ADGRF5: variants seen among roughly 807,000 people sequenced by gnomAD.
The protein encoded by ADGRF5 is G-protein coupled receptor 116.
ADGRF5 carries 75 observed loss-of-function variants against 132.3 expected under a neutral mutation model. That is an observed-to-expected ratio of 0.57 (90% CI 0.47 to 0.69). The LOEUF (loss-of-function observed/expected upper bound fraction) is 0.69, where lower values mean the gene tolerates loss of function less well. Among genes scored for constraint, ADGRF5 ranks in the 30% least tolerant of loss-of-function variants. The probability of loss-of-function intolerance (pLI) is 0.00; values close to 1 mark genes in which losing one functional copy is unlikely to be tolerated. For missense variants in ADGRF5, 1,516 were observed against 1,630.6 expected (o/e 0.93, Z 1.21); for synonymous variants, 629 against 597.6 (o/e 1.05, Z -0.77).
chr6:46,922,897 C>T (rs534509252), upstream of ADGRF5, among the ~76,000 whole-genome samples: 17 of 152,262 alleles, frequency 1.1e-4, no homozygotes, highest in Non-Finnish European at 2.4e-4. Flanking sequence ...TATATGTGGC[C>T]GGGTACACAT....
In ADGRF5 at chr6:46,853,960, C is replaced by T. The variant is rs369973653; in HGVS notation, c.*32G>A. On this transcript the variant is annotated 3_prime_UTR_variant, in exon 21 of 21. Coordinates refer to ENST00000283296, the MANE Select transcript of ADGRF5 (RefSeq NM_001098518.2). Reference sequence around the variant, plus strand: ...TTTTTAAAAGCACAGCCACTGTCCCCGGGAGGTCACGTAGGTTGGATTATC... The same window carrying T: ...TTTTTAAAAGCACAGCCACTGTCCCTGGGAGGTCACGTAGGTTGGATTATC... The T allele has an allele frequency of 2.1e-5, 31 of 1,451,152 alleles. No individual in the cohort carries two copies. The highest frequency in any genetic ancestry group is 9.6e-5 in the East Asian group (4 of 41,536). The allele number at this position is 1,451,152 out of a possible 1,614,324, so 89.9% of individuals were successfully genotyped here.
chr6:46,866,948 G>A lies in ADGRF5; in HGVS notation c.1811C>T (p.Thr604Met), dbSNP rs586024. The A allele has an allele frequency of 0.92, 1,479,253 of 1,609,932 alleles. 684,663 individuals carry two copies. Among genetic ancestry groups the A allele is most frequent in the East Asian group, 0.99 (44,478 of 44,854 alleles). ...EDGDYKVTFH[T>M]GSSSLPAAKE... The stretch of plus-strand genomic sequence containing the variant: ...ACCAGCAGGAAGGGATGAGGAACCC[G>A]TATGGAAAGTAACTTTGTAGTCTCC... Residue 604 changes from threonine (T) to methionine (M), a missense_variant, in exon 13 of 21, where the codon ACG (threonine) becomes ATG (methionine). By Grantham distance (81) the Thr-to-Met change is moderately conservative. Around this residue, in one of 2 missense-constraint regions of ADGRF5, gnomAD observed 945 missense variants for 929.4 expected, o/e 1.02. Coordinates refer to ENST00000283296, the MANE Select transcript of ADGRF5 (RefSeq NM_001098518.2).
intron 20 of ADGRF5, 52 bp downstream of exon 20, chr6:46,855,922 T>A (rs1768984313): frequency 9.5e-7 from 1 of 1,055,694 alleles, no homozygotes. Flanking sequence ...GGCTCCCCAT[T>A]TGAGCAAATG....
At chr6:46,923,161 A>G (rs1777073894), upstream of ADGRF5, among the ~76,000 whole-genome samples, 1 of 152,210 alleles carries the variant, frequency 6.6e-6, no homozygotes, top group African/African-American at 2.4e-5. Flanking sequence ...TCCTGACCTC[A>G]GGTAATCCCC....
chr6:46,863,172 T>C lies in ADGRF5; in HGVS notation c.1991-76A>G, dbSNP rs773068155. 9 of 1,119,364 alleles carry C rather than the reference T, an allele frequency of 8.0e-6. No individual in the cohort carries two copies. The African/African-American group carries it at 1.1e-4, about 13-fold the overall frequency. 69.3% of individuals were successfully genotyped at this position (1,119,364 alleles called of 1,614,324 possible). ...TAGTAGAAATACGGTCAGGCCAAGG[T>C]AGAATTTTGATGTTTGAATTCACAT... is the stretch of plus-strand genomic sequence containing the variant. On this transcript the variant is annotated intron_variant, in intron 14 of 20. Transcript: ENST00000283296.
chr6:46,947,992 G>A (rs1778363443), intron 1 of ADGRF5, among the ~76,000 whole-genome samples: 1 of 152,194 alleles, frequency 6.6e-6, no homozygotes, highest in Non-Finnish European at 1.5e-5. Context: ...CGGACAGGAT[G>A]TGTGTGGACT....
intron 1 of ADGRF5, among the ~76,000 whole-genome samples, chr6:46,935,282 C>T (rs990039116): frequency 2.3e-4 from 35 of 152,080 alleles, no homozygotes; most frequent in Non-Finnish European, 4.6e-4. Flanking sequence ...AGATTACAGA[C>T]GTGAGCCACT....
rs779901393 is a variant in ADGRF5 at position 46,853,102 on chromosome 6, A to G, written c.*890T>C. On this transcript the variant is annotated 3_prime_UTR_variant, in exon 21 of 21. Transcript: ENST00000283296. ...CAAAATGTGGAACAAACTAAAATATAAGGCTTTTCTGATAAACTATAAAAA... is the reference window on the plus strand; with the variant it reads ...CAAAATGTGGAACAAACTAAAATATGAGGCTTTTCTGATAAACTATAAAAA... 6.6e-6 allele frequency: 1 copy of G among 152,642 alleles called. No homozygotes were observed. The highest frequency in any genetic ancestry group is 1.9e-4 in the East Asian group (1 of 5,200). The allele number at this position is 152,642 out of a possible 1,614,324, so 9.5% of individuals were successfully genotyped here.
chr6:46,859,020 A>G lies in ADGRF5; in HGVS notation c.2883T>C (p.Leu961=), dbSNP rs1475578620. 9.3e-6 allele frequency: 15 copies of G among 1,614,076 alleles called. No individual in the cohort carries two copies. Among genetic ancestry groups the G allele is most frequent in the Non-Finnish European group, 1.2e-5 (14 of 1,180,028 alleles). ...ETKCVFWNFR[L]ANNTGGWDSS... The stretch of plus-strand genomic sequence containing the variant: ...TGTCCCACCCCCCTGTGTTGTTGGC[A>G]AGCCTGAAGTTCCAGAAGACACACT... The change falls in exon 17 of 21, where the codon CTT becomes CTC. Residue 961 remains leucine, a synonymous_variant. Coordinates refer to ENST00000283296, the MANE Select transcript of ADGRF5 (RefSeq NM_001098518.2).
rs1325550309 is a variant in ADGRF5 at position 46,864,302 on chromosome 6, G to A, written c.1990+740C>T. On this transcript the variant is annotated intron_variant, in intron 14 of 20. Transcript: ENST00000283296. ...TATGTGATGGCAAATTGACTCAGTG[G>A]TGGCAAAGGATGGGAAAGGCAGCTG... 2.0e-5 allele frequency among the ~76,000 whole-genome samples: 3 copies of A among 152,152 alleles called. No individual in the cohort carries two copies. In the East Asian group the frequency reaches 5.8e-4, roughly 29 times the overall value.
Position 46,858,280 on chromosome 6 carries a change from T to C in ADGRF5, c.3623A>G (p.Lys1208Arg), listed in dbSNP as rs778493012. Reference sequence around the variant, plus strand: ...CTGAAACAGGCTGCTCTTCTCCTGCTTGCATGGCTTGTCTCCAATGGAAGG... The same window carrying C: ...CTGAAACAGGCTGCTCTTCTCCTGCCTGCATGGCTTGTCTCCAATGGAAGG... ...LRPSIGDKPC[K>R]QEKSSLFQIS... Residue 1208 changes from lysine to arginine, a missense_variant, in exon 17 of 21, where the codon AAG (lysine) becomes AGG (arginine). Physicochemically the swap from Lys to Arg is conservative, Grantham distance 26. Coordinates refer to ENST00000283296, the MANE Select transcript of ADGRF5 (RefSeq NM_001098518.2). 1.9e-6 allele frequency: 3 copies of C among 1,614,070 alleles called. No homozygotes were observed. The East Asian group carries it at 6.7e-5, about 36-fold the overall frequency.
At chr6:46,877,281 TTCTTTCTTTCTCTC>T (rs1418909819) in intron 10 of ADGRF5, among the ~76,000 whole-genome samples, 6 of 55,558 alleles carry the variant, frequency 1.1e-4, no homozygotes, top group East Asian at 4.1e-4. Context: ...CTTTCTTTCT[TTCTTTCTTTCTCTC>T]TCTCTCTCTC....
intron 10 of ADGRF5, among the ~76,000 whole-genome samples, chr6:46,877,332 T>C (rs1252455175): frequency 8.5e-5 from 1 of 11,796 alleles, no homozygotes. Flanking sequence ...CTTCTTTCTT[T>C]CTTTCTTTCT....
chr6:46,945,901 C>T (rs149673199), intron 1 of ADGRF5, among the ~76,000 whole-genome samples: 33 of 152,266 alleles, frequency 2.2e-4, no homozygotes, highest in African/African-American at 7.5e-4. Flanking sequence ...GGGGAACTCC[C>T]ATTTATTAAA....
At chr6:46,893,924 C>T (rs1773917534) in intron 3 of ADGRF5, among the ~76,000 whole-genome samples, 1 of 152,196 alleles carries the variant, frequency 6.6e-6, no homozygotes, top group South Asian at 2.1e-4. Context: ...TGGCCACAAA[C>T]TGCAACCAAG....
Position 46,860,788 on chromosome 6 carries a change from C to A in ADGRF5, c.2306G>T (p.Ser769Ile). ...AAGGATGTTAATAATGGCTCCCAGA[C>A]TCCCAGGAGAAGAGCTGATTTCATG... Reference protein sequence around the residue: ...AEHEISSSPGSLGAIINILDL... With the variant: ...AEHEISSSPGILGAIINILDL... Residue 769 changes from serine (S) to isoleucine (I), a missense_variant, in exon 16 of 21, where the codon AGT becomes ATT. This residue lies in a region of ADGRF5 where 945 missense variants were observed against 929.4 expected (regional missense o/e 1.02). Transcript: ENST00000283296. The A allele has an allele frequency of 6.2e-7, 1 of 1,613,440 alleles. No individual in the cohort carries two copies. Among genetic ancestry groups the A allele is most frequent in the African/African-American group, 1.3e-5 (1 of 75,040 alleles).
intron 1 of ADGRF5, among the ~76,000 whole-genome samples, chr6:46,909,686 C>T (rs1475840650): frequency 2.6e-5 from 4 of 152,070 alleles, no homozygotes; most frequent in African/African-American, 4.8e-5. Context: ...TAGAAACAAC[C>T]GGTGCTGGCT....
In ADGRF5 at chr6:46,859,209, G is replaced by T; in HGVS notation, c.2694C>A (p.Val898=). 1 of 1,614,050 alleles carries T rather than the reference G, an allele frequency of 6.2e-7. No homozygotes were observed. Among genetic ancestry groups the T allele is most frequent in the South Asian group, 1.1e-5 (1 of 91,046 alleles). Residue 898 remains valine, a synonymous_variant, in exon 17 of 21, where the codon GTC becomes GTA. Coordinates refer to ENST00000283296, the MANE Select transcript of ADGRF5 (RefSeq NM_001098518.2). ...LENLQSDSSI[V]TMAFPTLQAI... ...CTTGGAGAGTTGGGAAAGCCATGGT[G>T]ACAATAGACGAATCCGACTGCAAGT... is the stretch of plus-strand genomic sequence containing the variant.
chr6:46,878,695 G>A (rs981539707), intron 9 of ADGRF5, among the ~76,000 whole-genome samples: 5 of 152,144 alleles, frequency 3.3e-5, no homozygotes, highest in East Asian at 1.9e-4. Flanking sequence ...AAGAAAAATC[G>A]AAAAGCCTTG....
Sources: allele counts gnomAD v4.1 joint callset (sites outside exome capture counted in the v4.1 genomes callset), GRCh38; gene constraint gnomAD v4.1.1; regional missense constraint gnomAD v4.1.1; transcripts MANE v1.5; gene names NCBI Gene and HGNC (gene_info 2026-07-23, HGNC 2026-07-21).